The following MAST2 variants were observed in gnomAD, a reference collection of about 807,000 sequenced individuals.
MAST2 encodes the protein microtubule-associated serine/threonine-protein kinase 2.
A neutral mutation model predicts 147.4 loss-of-function variants in MAST2; 70 were observed. That is an observed-to-expected ratio of 0.47 (90% CI 0.39 to 0.58). The LOEUF (loss-of-function observed/expected upper bound fraction) is 0.58. Ranked by LOEUF, MAST2 falls within the 20% of genes least tolerant of loss-of-function variation. The pLI is 0.00. For synonymous variants in MAST2, 869 were observed against 896.8 expected, an observed-to-expected ratio of 0.97 and a Z score of 0.55; for missense variants, 2,080 against 2,302.3, an observed-to-expected ratio of 0.90 and a Z score of 1.98.
chr1:45,816,221 A>AAGAGAGAGAGAGAGAGAGAAAG (rs1644448954), intron 1 of MAST2, among the ~76,000 whole-genome samples: 5 of 134,738 alleles, frequency 3.7e-5, no homozygotes, highest in Admixed American at 8.0e-5. Flanking sequence ...GAGAGAGAGA[A>AAGAGAGAGAGAGAGAGAGAAAG]AGAGAGAGAG....
At chr1:45,950,429 A>G (rs182457032) in intron 4 of MAST2, among the ~76,000 whole-genome samples, 1 of 152,346 alleles carries the variant, frequency 6.6e-6, no homozygotes, top group East Asian at 1.9e-4. Flanking sequence ...ACTGGCATGT[A>G]CAGATAAAAA....
intron 4 of MAST2, among the ~76,000 whole-genome samples, chr1:45,910,437 G>A (rs1487396759): frequency 6.6e-6 from 1 of 152,084 alleles, no homozygotes; most frequent in Non-Finnish European, 1.5e-5. Flanking sequence ...AAAATAAATT[G>A]TAATTCTAGC....
chr1:46,016,010 G>A (rs1571218669), intron 10 of MAST2, among the ~76,000 whole-genome samples: 1 of 152,238 alleles, frequency 6.6e-6, no homozygotes, highest in Admixed American at 6.5e-5. Context: ...GGGATGCAAG[G>A]CTGGTTCAAT....
intron 3 of MAST2, among the ~76,000 whole-genome samples, chr1:45,837,513 G>A (rs1322846942): frequency 6.6e-6 from 1 of 152,132 alleles, no homozygotes; most frequent in Non-Finnish European, 1.5e-5. Flanking sequence ...CCATTCCCTA[G>A]TTAATGACCA....
intron 3 of MAST2, among the ~76,000 whole-genome samples, chr1:45,878,143 G>T (rs1469027438): frequency 6.6e-6 from 1 of 151,044 alleles, no homozygotes; most frequent in Non-Finnish European, 1.5e-5. Context: ...GGCAGAGGGT[G>T]CAGTGAGCAG....
intron 4 of MAST2, among the ~76,000 whole-genome samples, chr1:45,954,692 C>A (rs1354189299): frequency 6.6e-6 from 1 of 152,156 alleles, no homozygotes; most frequent in Non-Finnish European, 1.5e-5. Context: ...TTAGCCAGTT[C>A]CTTGTTGTGG....
At chr1:45,839,415 A>C (rs1645206929) in intron 3 of MAST2, among the ~76,000 whole-genome samples, 1 of 152,108 alleles carries the variant, frequency 6.6e-6, no homozygotes, top group Admixed American at 6.5e-5. Context: ...GGCGTGAGCC[A>C]CCACGCCCAG....
Position 45,822,401 on chromosome 1 carries a change from G to A in MAST2, c.178-2032G>A, listed in dbSNP as rs1006388154. 2.5e-4 allele frequency among the ~76,000 whole-genome samples: 38 copies of A among 152,068 alleles called. 1 individual carries two copies. Among genetic ancestry groups the A allele is most frequent in the African/African-American group, 8.2e-4 (34 of 41,364 alleles). The stretch of plus-strand genomic sequence containing the variant: ...GACTCGAAGAGACTTGCAGTAAGAA[G>A]GGGTGTGATCCTCTCTTTCTTTTCT... On this transcript the variant is annotated intron_variant, in intron 1 of 28. Coordinates refer to ENST00000361297, the MANE Select transcript of MAST2 (RefSeq NM_015112.3).
intron 4 of MAST2, among the ~76,000 whole-genome samples, chr1:45,903,573 ATTGT>A: frequency 6.6e-6 from 1 of 152,122 alleles, no homozygotes. Flanking sequence ...TCGGGAGCAA[ATTGT>A]TTAGTTTCCA....
chr1:45,816,308 C>T (rs116665513), intron 1 of MAST2, among the ~76,000 whole-genome samples: 2 of 151,860 alleles, frequency 1.3e-5, no homozygotes, highest in East Asian at 1.9e-4. Flanking sequence ...AAGCCCAGAT[C>T]GCAAAGGCTA....
At chr1:46,006,144 T>C in intron 7 of MAST2, 97 bp from the exon 8 acceptor site, 2 of 1,238,842 alleles carry the variant, frequency 1.6e-6, no homozygotes, top group Non-Finnish European at 2.3e-6. Context: ...GGGTTTATAG[T>C]GACTGGGAAG....
intron 4 of MAST2, among the ~76,000 whole-genome samples, chr1:45,922,625 C>T (rs901528237): frequency 9.9e-5 from 15 of 152,162 alleles, no homozygotes; most frequent in East Asian, 1.9e-4. Context: ...AGCCAGGTAG[C>T]GGGAGCGGAC....
In MAST2 at chr1:45,853,568, G is replaced by A. The variant is rs1645691272; in HGVS notation, c.468+23987G>A. Among the ~76,000 whole-genome samples the A allele has an allele frequency of 3.9e-5, 6 of 151,992 alleles. No individual in the cohort carries two copies. In the South Asian group the frequency reaches 1.0e-3, roughly 26 times the overall value. On this transcript the variant is annotated intron_variant, in intron 3 of 28. Coordinates refer to ENST00000361297, the MANE Select transcript of MAST2 (RefSeq NM_015112.3). ...AGGTTTTTACCATGTTGACCAGGCT[G>A]GTGTTGAACTCCTGACCTCAAGTGA...
In MAST2 at chr1:45,914,892, A is replaced by AT. The variant is rs200220588; in HGVS notation, c.500+32502dup. On this transcript the variant is annotated intron_variant, in intron 4 of 28. Coordinates refer to ENST00000361297, the MANE Select transcript of MAST2 (RefSeq NM_015112.3). ...AGGTCACTTGTTAACAAAATTAAAA[A>AT]TTTTTAAATGGAGTTTGTAGCTTAA... Among the ~76,000 whole-genome samples, 1,117 of 152,328 alleles carry AT rather than the reference A, an allele frequency of 7.3e-3. 14 individuals carry two copies. Among genetic ancestry groups the AT allele is most frequent in the African/African-American group, 0.026 (1,067 of 41,570 alleles).
intron 5 of MAST2, among the ~76,000 whole-genome samples, chr1:45,979,433 T>G (rs4660329): frequency 0.081 from 8,797 of 108,732 alleles, 334 homozygotes; most frequent in Middle Eastern, 0.15. Flanking sequence ...TTTTTTGTTT[T>G]TTTTTTTTTT....
At chr1:46,015,870 T>C (rs1190949856) in intron 10 of MAST2, among the ~76,000 whole-genome samples, 2 of 151,920 alleles carry the variant, frequency 1.3e-5, no homozygotes, top group African/African-American at 4.8e-5. Context: ...GAGACACAAC[T>C]AAAAAAGAGA....
chr1:45,902,817 T>C (rs545475456), intron 4 of MAST2, among the ~76,000 whole-genome samples: 1 of 152,276 alleles, frequency 6.6e-6, no homozygotes, highest in Non-Finnish European at 1.5e-5. Context: ...TTCTGTGATA[T>C]CAGTTGTAAT....
chr1:45,840,911 A>G (rs10789477), intron 3 of MAST2, among the ~76,000 whole-genome samples: 121,221 of 152,146 alleles, frequency 0.8, 48,778 homozygotes, highest in East Asian at 0.98. Flanking sequence ...GGGGGATGGA[A>G]CATTCTGAAC....
At chr1:45,867,426 G>A (rs958833964) in intron 3 of MAST2, among the ~76,000 whole-genome samples, 1 of 152,170 alleles carries the variant, frequency 6.6e-6, no homozygotes, top group Non-Finnish European at 1.5e-5. Flanking sequence ...TCTTGGGGAG[G>A]TAGCAGAATA....
Sources: gnomAD v4.1 joint callset for allele counts (sites outside exome capture counted in the v4.1 genomes callset) on GRCh38, gnomAD v4.1.1 for gene constraint, MANE v1.5 for transcripts, NCBI Gene and HGNC (gene_info 2026-07-23, HGNC 2026-07-21) for gene names.